The following CROCC variants were observed in gnomAD, a reference collection of about 807,000 sequenced individuals.
The protein encoded by CROCC is rootletin.
A neutral mutation model predicts 245.2 loss-of-function variants in CROCC; 180 were observed. The ratio of observed to expected loss-of-function variants is 0.73; its 90% CI spans 0.65 to 0.83. The LOEUF (loss-of-function observed/expected upper bound fraction) is 0.83. Among genes scored for constraint, CROCC ranks in the 40% least tolerant of loss-of-function variants. CROCC has a pLI of 0.00. For synonymous variants in CROCC, 1,205 were observed against 1,241.6 expected, an observed-to-expected ratio of 0.97 and a Z score of 0.62; for missense variants, 2,688 against 2,779.4, an observed-to-expected ratio of 0.97 and a Z score of 0.74.
intron 1 of CROCC, among the ~76,000 whole-genome samples, chr1:16,916,036 C>T (rs1407797345): frequency 1.3e-5 from 2 of 152,226 alleles, no homozygotes; most frequent in South Asian, 2.1e-4. Context: ...ATTAGCTGGG[C>T]GTGGTGGTGC....
Position 16,956,127 on chromosome 1 carries a change from C to CGCGG in CROCC, c.3836_3837insCGGG (p.Arg1280GlyfsTer17). The CGCGG allele has an allele frequency of 6.5e-7, 1 of 1,547,618 alleles. No individual in the cohort carries two copies. Among genetic ancestry groups the CGCGG allele is most frequent in the East Asian group, 2.4e-5 (1 of 40,832 alleles). On this transcript the variant is annotated frameshift_variant, in exon 25 of 37. Coordinates refer to ENST00000375541, the MANE Select transcript of CROCC (RefSeq NM_014675.5). LOFTEE classifies it high-confidence loss of function. ...GGTGGAGCGCTCACGGCTGGAGGCT[C>CGCGG]GGCGGGAGCTGCAGGAGCTCCGGCG...
At chr1:16,933,716 C>A (rs1268924782) in intron 8 of CROCC, among the ~76,000 whole-genome samples, 1 of 152,256 alleles carries the variant, frequency 6.6e-6, no homozygotes, top group Admixed American at 6.5e-5. Flanking sequence ...CAGGAGTGCG[C>A]CACCACGCCC....
In CROCC at chr1:16,966,531, G is replaced by A; in HGVS notation, c.4820G>A (p.Arg1607Lys). 6.6e-7 allele frequency: 1 copy of A among 1,509,792 alleles called. No individual in the cohort carries two copies. Among genetic ancestry groups the A allele is most frequent in the Non-Finnish European group, 8.8e-7 (1 of 1,132,114 alleles). The allele number at this position is 1,509,792 out of a possible 1,614,324, so 93.5% of individuals were successfully genotyped here. A position where few individuals can be genotyped will look rare whatever the true frequency, so the allele number is the denominator to read the frequency against. Reference protein sequence around the residue: ...ATLDQVATLERSLQATESELR... With the variant: ...ATLDQVATLEKSLQATESELR... ...CTGGACCAGGTGGCCACACTGGAGAGGAGCCTGCAGGCCACCGAGAGCGAG... is the reference window on the plus strand; with the variant it reads ...CTGGACCAGGTGGCCACACTGGAGAAGAGCCTGCAGGCCACCGAGAGCGAG... Residue 1607 changes from arginine (R) to lysine (K), a missense_variant, in exon 30 of 37, where the codon AGG (arginine) becomes AAG (lysine). Coordinates refer to ENST00000375541, the MANE Select transcript of CROCC (RefSeq NM_014675.5). This position sits in a 1 kb window ranked among gnomAD's most constrained non-coding sequence, Gnocchi z 4.8.
In CROCC at chr1:16,955,430, G is replaced by T; in HGVS notation, c.3584G>T (p.Arg1195Leu). The change falls in exon 24 of 37, where the codon CGC (arginine) becomes CTC (leucine). Residue 1195 changes from arginine (R) to leucine (L), a missense_variant. This residue lies in a region of CROCC where 1,218 missense variants were observed against 1,286.3 expected (regional missense o/e 0.95). Transcript: ENST00000375541. The stretch of plus-strand genomic sequence containing the variant: ...AGCCAGGAGGGCCGGGAGGTGCAGC[G>T]CCAGGAGGCAGGCGAGCTGCGACGC... ...RESQEGREVQ[R>L]QEAGELRRSL... 1 of 1,600,138 alleles carries T rather than the reference G, an allele frequency of 6.2e-7. No individual in the cohort carries two copies. Among genetic ancestry groups the T allele is most frequent in the Non-Finnish European group, 8.5e-7 (1 of 1,176,606 alleles).
At chr1:16,940,369 C>T (rs962209783) in intron 13 of CROCC, among the ~76,000 whole-genome samples, 1 of 151,896 alleles carries the variant, frequency 6.6e-6, no homozygotes, top group Non-Finnish European at 1.5e-5. Flanking sequence ...GACTACAGGC[C>T]CCTGCCACCA....
rs780364140 is a variant in CROCC, at chr1:16,965,705, G to A, written c.4406-18G>A. On this transcript the variant is annotated intron_variant, in intron 27 of 36. Transcript: ENST00000375541. ...CCGTGGCTTCTGCATCACTGAGCAA[G>A]TCTTCTTTCTCTTCTAGGAAGCGGG... 3 of 1,575,854 alleles carry A rather than the reference G, an allele frequency of 1.9e-6. No homozygotes were observed. Among genetic ancestry groups the A allele is most frequent in the Non-Finnish European group, 2.6e-6 (3 of 1,147,240 alleles).
intron 32 of CROCC, 129 bp from the exon 33 acceptor site, chr1:16,969,656 T>C (rs1239402642): frequency 3.7e-6 from 5 of 1,347,312 alleles, no homozygotes; most frequent in Non-Finnish European, 5.0e-6. Context: ...ATGGGTTTGG[T>C]GTGCACCCCA....
chr1:16,947,837 TTTG>T (rs1473146994), intron 17 of CROCC, among the ~76,000 whole-genome samples: 3 of 152,212 alleles, frequency 2.0e-5, no homozygotes, highest in South Asian at 2.1e-4. Flanking sequence ...TTGTTTTGTT[TTTG>T]TTGTTGTTTT....
At chr1:16,970,538 C>T (rs2100562273) in intron 34 of CROCC, 85 bp downstream of exon 34, 2 of 1,477,788 alleles carry the variant, frequency 1.4e-6, no homozygotes, top group South Asian at 1.4e-5. Flanking sequence ...GGTCTGCTAC[C>T]TCTGGTGGGG....
intron 27 of CROCC, among the ~76,000 whole-genome samples, chr1:16,963,862 C>T (rs1411612076): frequency 6.6e-6 from 1 of 151,884 alleles, no homozygotes; most frequent in East Asian, 1.9e-4. Flanking sequence ...ATGGCGCGAT[C>T]TCGACTCACT....
intron 1 of CROCC, among the ~76,000 whole-genome samples, chr1:16,922,429 T>G (rs1226876882): frequency 1.3e-5 from 2 of 152,350 alleles, no homozygotes; most frequent in Admixed American, 1.3e-4. Context: ...GGTTTGGGAG[T>G]TACCCGTAGG....
chr1:16,919,651 G>T (rs2075362607), upstream of CROCC, among the ~76,000 whole-genome samples: 1 of 152,278 alleles, frequency 6.6e-6, no homozygotes, highest in African/African-American at 2.4e-5. Context: ...AAGGGCAGGA[G>T]CCCAGACACG....
chr1:16,943,222 CAG>C (rs1171479170), intron 13 of CROCC, among the ~76,000 whole-genome samples: 2 of 148,118 alleles, frequency 1.4e-5, no homozygotes, highest in Non-Finnish European at 1.5e-5. Context: ...GCCTGGGCGA[CAG>C]AGTGAGATGC....
chr1:16,963,593 G>A (rs2076368757), intron 27 of CROCC, among the ~76,000 whole-genome samples: 1 of 151,994 alleles, frequency 6.6e-6, no homozygotes, highest in Non-Finnish European at 1.5e-5. Context: ...GTGTCCCTCT[G>A]CGGCCAAGGC....
rs774572210 is a variant in CROCC at position 16,970,744 on chromosome 1, C to G, written c.5761C>G (p.Gln1921Glu). Reference sequence around the variant, plus strand: ...GGCTGAGCTGGAGCTGGCAGAGGCGCAGAGGCAGATCCAGCAGCTGGAGGT... The same window carrying G: ...GGCTGAGCTGGAGCTGGCAGAGGCGGAGAGGCAGATCCAGCAGCTGGAGGT... ...TGAELELAEAQRQIQQLEAQV... is the reference protein window; with the variant it reads ...TGAELELAEAERQIQQLEAQV... The change falls in exon 35 of 37, where the codon CAG becomes GAG. Residue 1921 changes from glutamine to glutamate, a missense_variant. Gln to Glu is a conservative substitution (Grantham distance 29). Coordinates refer to ENST00000375541, the MANE Select transcript of CROCC (RefSeq NM_014675.5). The G allele has an allele frequency of 3.1e-6, 5 of 1,598,444 alleles. No homozygotes were observed. The highest frequency in any genetic ancestry group is 4.3e-6 in the Non-Finnish European group (5 of 1,174,004).
At position 16,924,307 on chromosome 1, in the gene CROCC, C is replaced by T. The variant is rs1263150686; in HGVS notation, c.197-18C>T. ...ACTGGACCCAGAAGCCAACCATGTG[C>T]CCACTGTCCCTTGCCAGTCCTGCTG... On this transcript the variant is annotated intron_variant, in intron 2 of 36. Coordinates refer to ENST00000375541, the MANE Select transcript of CROCC (RefSeq NM_014675.5). The T allele has an allele frequency of 5.6e-6, 9 of 1,607,584 alleles. No homozygotes were observed. Among genetic ancestry groups the T allele is most frequent in the South Asian group, 5.5e-5 (5 of 90,830 alleles).
Position 16,951,097 on chromosome 1 carries a change from A to G in CROCC, c.2981A>G (p.Asp994Gly), listed in dbSNP as rs1308555811. ...LREQRAAHEE[D>G]LQRLQREKEA... is the part of the protein sequence containing the mutation. ...GAGCAGCGGGCAGCTCACGAGGAGG[A>G]CTTACAGCGACTCCAGCGTGAAAAG... Residue 994 changes from aspartate (D) to glycine (G), a missense_variant, in exon 20 of 37, where the codon GAC (aspartate) becomes GGC (glycine). By Grantham distance (94) the Asp-to-Gly change is moderately conservative (BLOSUM62 -1). Transcript: ENST00000375541. 3 of 1,568,314 alleles carry G rather than the reference A, an allele frequency of 1.9e-6. No homozygotes were observed. Among genetic ancestry groups the G allele is most frequent in the Non-Finnish European group, 2.6e-6 (3 of 1,158,026 alleles).
intron 25 of CROCC, among the ~76,000 whole-genome samples, chr1:16,957,525 C>T (rs1006422301): frequency 1.3e-5 from 2 of 152,156 alleles, no homozygotes. Flanking sequence ...TCACTGCAAC[C>T]TCCGCCTCCC....
At chr1:16,922,155 C>A (rs373018626) in intron 1 of CROCC, 77 bp downstream of exon 1, 1 of 1,354,192 alleles carries the variant, frequency 7.4e-7, no homozygotes, top group East Asian at 2.6e-5. Context: ...GAGGTGTGTG[C>A]GTCTTGGGGA....
Sources: gnomAD v4.1 joint callset for allele counts (sites outside exome capture counted in the v4.1 genomes callset) on GRCh38, gnomAD v4.1.1 for gene constraint, gnomAD v4.1.1 regional missense constraint, Gnocchi (gnomAD v3.1) non-coding constraint, MANE v1.5 for transcripts, NCBI Gene and HGNC (gene_info 2026-07-23, HGNC 2026-07-21) for gene names.